Variants in TXNDC16 observed in about 807,000 individuals in gnomAD.
TXNDC16 encodes thioredoxin domain containing 16.
In TXNDC16, 74 loss-of-function variants were observed where a neutral mutation model predicts 85.6. The observed-to-expected ratio is 0.86, with a 90% CI of 0.72 to 1.05. TXNDC16 has a LOEUF of 1.05. Ranked by LOEUF, TXNDC16 falls within the 50% of genes least tolerant of loss-of-function variation. The pLI is 0.00. For missense variants in TXNDC16, 959 were observed against 947.0 expected (o/e 1.01, Z -0.17); for synonymous variants, 335 against 326.5 (o/e 1.03, Z -0.28).
chr14:52,522,554 C>T (rs1031447875), intron 6 of TXNDC16, among the ~76,000 whole-genome samples: 4 of 152,170 alleles, frequency 2.6e-5, no homozygotes, highest in African/African-American at 7.2e-5. Flanking sequence ...CAAGAAGCAG[C>T]GGCAGTAACA....
intron 18 of TXNDC16, among the ~76,000 whole-genome samples, chr14:52,451,989 G>T (rs2035423032): frequency 6.6e-6 from 1 of 152,132 alleles, no homozygotes; most frequent in South Asian, 2.1e-4. Context: ...ATTCAGTAAA[G>T]TTGCAAGACA....
At chr14:52,547,953 G>C (rs2037973357) in intron 1 of TXNDC16, among the ~76,000 whole-genome samples, 1 of 152,230 alleles carries the variant, frequency 6.6e-6, no homozygotes, top group Non-Finnish European at 1.5e-5. Context: ...CCTTGAGTTA[G>C]GTATGGCCAT....
Position 52,496,906 on chromosome 14 carries a change from C to T in TXNDC16, c.757-5901G>A, listed in dbSNP as rs538700495. Among the ~76,000 whole-genome samples, 3 of 152,140 alleles carry T rather than the reference C, an allele frequency of 2.0e-5. No individual in the cohort carries two copies. In the South Asian group the frequency reaches 6.2e-4, roughly 32 times the overall value. The stretch of plus-strand genomic sequence containing the variant: ...GATTATAGGCGGGAACCACTGCACG[C>T]ACCCTAATTATGAAGTTATAATCCA... On this transcript the variant is annotated intron_variant, in intron 9 of 20. Transcript: ENST00000281741.
intron 1 of TXNDC16, among the ~76,000 whole-genome samples, chr14:52,551,454 G>A (rs1386424723): frequency 6.9e-6 from 1 of 144,200 alleles, no homozygotes; most frequent in Non-Finnish European, 1.5e-5. Flanking sequence ...GCGACAGAGC[G>A]AGACCCTGCA....
At chr14:52,460,323 A>T (rs1380455901) in intron 16 of TXNDC16, among the ~76,000 whole-genome samples, 1 of 152,230 alleles carries the variant, frequency 6.6e-6, no homozygotes, top group Non-Finnish European at 1.5e-5. Flanking sequence ...ATGGGAAAAA[A>T]CAATATCATT....
At chr14:52,537,403 T>C (rs1233821116) in intron 5 of TXNDC16, among the ~76,000 whole-genome samples, 196 bp downstream of exon 5, 1 of 152,206 alleles carries the variant, frequency 6.6e-6, no homozygotes, top group Non-Finnish European at 1.5e-5. Flanking sequence ...GATGTAGGTA[T>C]TACTCTCTGT....
chr14:52,484,198 A>AGG (rs71125109), intron 12 of TXNDC16, among the ~76,000 whole-genome samples: 1,562 of 140,238 alleles, frequency 0.011, 16 homozygotes, highest in South Asian at 0.031. Context: ...CAAAACAATA[A>AGG]GGGGGGGGGG....
chr14:52,503,549 C>T (rs1201453839), intron 9 of TXNDC16, among the ~76,000 whole-genome samples: 1 of 152,160 alleles, frequency 6.6e-6, no homozygotes, highest in African/African-American at 2.4e-5. Flanking sequence ...ACAAAAAGGA[C>T]ATCCACACCA....
rs2035875068 is a variant in TXNDC16 at position 52,470,261 on chromosome 14, T to C, written c.1482-88A>G. 7 of 1,016,862 alleles carry C rather than the reference T, an allele frequency of 6.9e-6. No individual in the cohort carries two copies. In the East Asian group the frequency reaches 8.0e-5, roughly 12 times the overall value. The allele number at this position is 1,016,862 out of a possible 1,614,324, so 63.0% of individuals were successfully genotyped here. On this transcript the variant is annotated intron_variant, in intron 15 of 20. Transcript: ENST00000281741. ...AAAGCATACTAAACATAGCAAACAA[T>C]ATATTACATAGGATAATATCTTACA...
Position 52,511,239 on chromosome 14 carries a change from C to A in TXNDC16, c.756+1G>T. ...ATAAAAATATAAAATAAGACACATA[C>A]CAACAGAGGTGCTTTCATTGTCTTA... On this transcript the variant is annotated splice_donor_variant, in intron 9 of 20. Transcript: ENST00000281741. LOFTEE classifies it high-confidence loss of function. 6.5e-7 allele frequency: 1 copy of A among 1,549,774 alleles called. No individual in the cohort carries two copies. Among genetic ancestry groups the A allele is most frequent in the South Asian group, 1.3e-5 (1 of 79,276 alleles).
chr14:52,523,298 C>T (rs1042837915), intron 6 of TXNDC16, among the ~76,000 whole-genome samples: 3 of 152,158 alleles, frequency 2.0e-5, no homozygotes, highest in Non-Finnish European at 4.4e-5. Flanking sequence ...CCTGCAGTAA[C>T]TATTAGTTGG....
chr14:52,444,983 G>A (rs942349827), intron 18 of TXNDC16, among the ~76,000 whole-genome samples: 8 of 152,092 alleles, frequency 5.3e-5, no homozygotes, highest in Non-Finnish European at 1.2e-4. Flanking sequence ...TTATGCAGAT[G>A]TTAAAAATTA....
intron 14 of TXNDC16, among the ~76,000 whole-genome samples, chr14:52,476,250 G>C (rs558555516): frequency 6.6e-6 from 1 of 152,126 alleles, no homozygotes; most frequent in African/African-American, 2.4e-5. Flanking sequence ...ACCAACTCTG[G>C]TAATATGACA....
At chr14:52,474,499 G>T (rs2357630) in intron 14 of TXNDC16, among the ~76,000 whole-genome samples, 78,030 of 151,990 alleles carry the variant, frequency 0.51, 21,030 homozygotes, top group East Asian at 0.7. Flanking sequence ...TCCCAGCACT[G>T]TGGGAGGCTG....
intron 9 of TXNDC16, among the ~76,000 whole-genome samples, chr14:52,499,624 AAAAG>A (rs1237541513): frequency 6.6e-6 from 1 of 151,172 alleles, no homozygotes; most frequent in Non-Finnish European, 1.5e-5. Context: ...AAAAAAAAAG[AAAAG>A]AAAGAAAAGA....
At chr14:52,506,975 C>G (rs2036824715) in intron 9 of TXNDC16, among the ~76,000 whole-genome samples, 1 of 151,886 alleles carries the variant, frequency 6.6e-6, no homozygotes, top group African/African-American at 2.4e-5. Flanking sequence ...TGGGCAAAAA[C>G]TGGAAGCATT....
At chr14:52,497,161 C>A (rs1439331699) in intron 9 of TXNDC16, among the ~76,000 whole-genome samples, 1 of 151,892 alleles carries the variant, frequency 6.6e-6, no homozygotes, top group Non-Finnish European at 1.5e-5. Flanking sequence ...AATTAACTTT[C>A]AAAAATGATA....
rs538616061 is a variant in TXNDC16, at chr14:52,463,035, C to T, written c.1619-5861G>A. Reference sequence around the variant, plus strand: ...AAAAGTCCCTGCAAATTTCTGAAAGCTGAAGTTCATACTACCTACAATATT... The same window carrying T: ...AAAAGTCCCTGCAAATTTCTGAAAGTTGAAGTTCATACTACCTACAATATT... On this transcript the variant is annotated intron_variant, in intron 16 of 20. Transcript: ENST00000281741. 6.6e-6 allele frequency: 3 copies of T among 453,720 alleles called. No individual in the cohort carries two copies. In the East Asian group the frequency reaches 2.1e-4, roughly 32 times the overall value. 28.1% of individuals were successfully genotyped at this position (453,720 alleles called of 1,614,324 possible).
intron 12 of TXNDC16, among the ~76,000 whole-genome samples, chr14:52,485,937 T>C: frequency 6.6e-6 from 1 of 152,142 alleles, no homozygotes; most frequent in East Asian, 1.9e-4. Context: ...TCTATACGAC[T>C]CTAGTCAATC....
Sources: gnomAD v4.1 joint callset for allele counts (sites outside exome capture counted in the v4.1 genomes callset) on GRCh38, gnomAD v4.1.1 for gene constraint, MANE v1.5 for transcripts, NCBI Gene and HGNC (gene_info 2026-07-23, HGNC 2026-07-21) for gene names.